ADAMTS14: variants seen among roughly 807,000 people sequenced by gnomAD.
ADAMTS14 encodes A disintegrin and metalloproteinase with thrombospondin motifs 14.
Under a neutral mutation model 128.6 loss-of-function variants are expected in ADAMTS14, and 100 were observed. That is an observed-to-expected ratio of 0.78 (90% CI 0.66 to 0.92). The LOEUF (loss-of-function observed/expected upper bound fraction) is 0.92. ADAMTS14 is among the 40% of genes least tolerant of loss of function. ADAMTS14 has a pLI of 0.00. For synonymous variants in ADAMTS14, 665 were observed against 653.8 expected (o/e 1.02, Z -0.26); for missense variants, 1,562 against 1,658.6 (o/e 0.94, Z 1.01).
intron 21 of ADAMTS14, 124 bp from the exon 22 acceptor site, chr10:70,760,236 A>G (rs2132765273): frequency 3.1e-6 from 4 of 1,304,046 alleles, no homozygotes; most frequent in Non-Finnish European, 4.1e-6. Context: ...AAAAAGCTTT[A>G]TAGTGGGTCC....
intron 2 of ADAMTS14, among the ~76,000 whole-genome samples, chr10:70,685,361 T>A (rs1020581535): frequency 3.9e-5 from 6 of 152,192 alleles, no homozygotes; most frequent in African/African-American, 1.4e-4. Flanking sequence ...TGCTGCTTCA[T>A]CCTTAGCAGC....
intron 1 of ADAMTS14, among the ~76,000 whole-genome samples, chr10:70,673,482 C>G (rs1452584957): frequency 6.6e-6 from 1 of 152,148 alleles, no homozygotes; most frequent in Middle Eastern, 3.2e-3. Context: ...CATGGGGTAC[C>G]CTCCTGGTGG....
Position 70,738,493 on chromosome 10 carries a change from T to C in ADAMTS14, c.1600-349T>C, listed in dbSNP as rs115042563. Reference sequence around the variant, plus strand: ...CAGAGCCAAGATCAACTCTAGCTAGTGTGGGAAGATTGTGTCTTCTCTCCC... The same window carrying C: ...CAGAGCCAAGATCAACTCTAGCTAGCGTGGGAAGATTGTGTCTTCTCTCCC... On this transcript the variant is annotated intron_variant, in intron 10 of 21. Transcript: ENST00000373207. Among the ~76,000 whole-genome samples the C allele has an allele frequency of 2.2e-3, 341 of 152,274 alleles. 2 individuals carry two copies. Among genetic ancestry groups the C allele is most frequent in the African/African-American group, 7.8e-3 (323 of 41,568 alleles).
At chr10:70,728,999 A>G (rs923610441) in intron 4 of ADAMTS14, among the ~76,000 whole-genome samples, 3 of 152,166 alleles carry the variant, frequency 2.0e-5, no homozygotes, top group African/African-American at 7.2e-5. Context: ...TCTTGGTCAG[A>G]GTTGCTGAGT....
intron 4 of ADAMTS14, among the ~76,000 whole-genome samples, chr10:70,728,621 G>A (rs1281366122): frequency 1.3e-5 from 2 of 152,272 alleles, no homozygotes; most frequent in African/African-American, 4.8e-5. Flanking sequence ...GCTGTGCAGG[G>A]CACTGGCCCA....
rs371900897 is a variant in ADAMTS14, at chr10:70,700,175, C to T, written c.523-2137C>T. On this transcript the variant is annotated intron_variant, in intron 2 of 21. Coordinates refer to ENST00000373207, the MANE Select transcript of ADAMTS14 (RefSeq NM_080722.4). ...GGCCTCCTGTGGGGAGTTCTGCAGG[C>T]GTACAGTGGCAGAGGCTCTTGGATT... 7.9e-5 allele frequency among the ~76,000 whole-genome samples: 12 copies of T among 152,092 alleles called. No individual in the cohort carries two copies. In the South Asian group the frequency reaches 1.0e-3, roughly 13 times the overall value.
At chr10:70,681,791 G>T (rs893526059) in intron 2 of ADAMTS14, among the ~76,000 whole-genome samples, 2 of 152,228 alleles carry the variant, frequency 1.3e-5, no homozygotes, top group African/African-American at 4.8e-5. Context: ...CAGCTGGCTT[G>T]TCCCCTTACA....
At chr10:70,681,172 A>C (rs745511359) in intron 2 of ADAMTS14, among the ~76,000 whole-genome samples, 1 of 152,164 alleles carries the variant, frequency 6.6e-6, no homozygotes, top group Non-Finnish European at 1.5e-5. Context: ...CACAGACCAT[A>C]CTAAGCTTCA....
intron 19 of ADAMTS14, among the ~76,000 whole-genome samples, chr10:70,756,197 A>C (rs1035220675): frequency 1.3e-5 from 2 of 152,188 alleles, no homozygotes; most frequent in Non-Finnish European, 2.9e-5. Context: ...ACAATCTGAA[A>C]ATATTCTGGG....
chr10:70,745,544 C>A, intron 15 of ADAMTS14: 1 of 546,704 alleles, frequency 1.8e-6, no homozygotes, highest in Admixed American at 3.1e-5. Context: ...CTTTCTACCC[C>A]TGTACCCTGG....
chr10:70,760,855 C>G lies in ADAMTS14; in HGVS notation c.*2C>G. On this transcript the variant is annotated 3_prime_UTR_variant, in exon 22 of 22. Transcript: ENST00000373207. ...CCTGCTGCCTCCCCGGTGACATGAG[C>G]TGTGCCCTGCCATCCCACTGGCACG... The G allele has an allele frequency of 1.3e-6, 2 of 1,558,052 alleles. No homozygotes were observed. Among genetic ancestry groups the G allele is most frequent in the Non-Finnish European group, 1.7e-6 (2 of 1,150,236 alleles).
At chr10:70,715,522 G>T (rs1334877919) in intron 4 of ADAMTS14, among the ~76,000 whole-genome samples, 7 of 152,142 alleles carry the variant, frequency 4.6e-5, no homozygotes, top group Non-Finnish European at 8.8e-5. Flanking sequence ...AAATGATGGG[G>T]GTGAGGGTGG....
intron 2 of ADAMTS14, among the ~76,000 whole-genome samples, chr10:70,685,752 C>T (rs868216534): frequency 1.3e-5 from 2 of 152,112 alleles, no homozygotes; most frequent in Non-Finnish European, 2.9e-5. Flanking sequence ...TGTGCTGTCC[C>T]GTGATATGGT....
chr10:70,702,337 C>G lies in ADAMTS14; in HGVS notation c.548C>G (p.Thr183Ser). The part of the protein sequence containing the change: ...GLAGLIRTDS[T>S]DFFIEPLERG... The stretch of plus-strand genomic sequence containing the variant: ...GCGGGCCTCATCCGCACAGACAGCA[C>G]CGACTTCTTCATTGAGCCTCTGGAG... Residue 183 changes from threonine to serine, a missense_variant, in exon 3 of 22, where the codon ACC becomes AGC. Physicochemically the swap from Thr to Ser is moderately conservative, Grantham distance 58. Transcript: ENST00000373207. 6.2e-7 allele frequency: 1 copy of G among 1,614,188 alleles called. No individual in the cohort carries two copies. The highest frequency in any genetic ancestry group is 1.1e-5 in the South Asian group (1 of 91,080).
chr10:70,706,178 T>C (rs1323550358), intron 3 of ADAMTS14, among the ~76,000 whole-genome samples: 2 of 152,158 alleles, frequency 1.3e-5, no homozygotes, highest in Non-Finnish European at 2.9e-5. Context: ...CCAAGGCTGA[T>C]GCTGGCTGGT....
At chr10:70,740,600 T>C (rs1467136529) in intron 11 of ADAMTS14, among the ~76,000 whole-genome samples, 1 of 152,118 alleles carries the variant, frequency 6.6e-6, no homozygotes, top group Admixed American at 6.5e-5. Context: ...AGTGGCTGAG[T>C]CGTTTATGGG....
intron 2 of ADAMTS14, among the ~76,000 whole-genome samples, chr10:70,682,718 C>T (rs1004207340): frequency 1.3e-5 from 2 of 152,128 alleles, no homozygotes; most frequent in Non-Finnish European, 2.9e-5. Context: ...CAAGAGCACC[C>T]CATTTTTCTG....
intron 5 of ADAMTS14, among the ~76,000 whole-genome samples, chr10:70,729,704 A>C (rs1841570153): frequency 6.6e-6 from 1 of 152,166 alleles, no homozygotes; most frequent in African/African-American, 2.4e-5. Context: ...TGCGCTCTGC[A>C]ATCTTAGACT....
At position 70,751,488 on chromosome 10, in the gene ADAMTS14, C is replaced by G. The variant is rs758125656; in HGVS notation, c.2438C>G (p.Pro813Arg). 2.5e-6 allele frequency: 4 copies of G among 1,605,026 alleles called. No homozygotes were observed. Among genetic ancestry groups the G allele is most frequent in the African/African-American group, 1.3e-5 (1 of 74,798 alleles). ...PEAIAILALP[P>R]TEGGPRSSLA... ...CCCATCTCCCCTCAGGCTCTCCCCC[C>G]AACTGAGGGTGGCCCCCGCAGCAGC... Residue 813 changes from proline (P) to arginine (R), a missense_variant, in exon 17 of 22, where the codon CCA becomes CGA. Coordinates refer to ENST00000373207, the MANE Select transcript of ADAMTS14 (RefSeq NM_080722.4).
Sources: gnomAD v4.1 joint callset for allele counts (sites outside exome capture counted in the v4.1 genomes callset) on GRCh38, gnomAD v4.1.1 for gene constraint, MANE v1.5 for transcripts, NCBI Gene and HGNC (gene_info 2026-07-23, HGNC 2026-07-21) for gene names.